The following SMYD3 variants were observed in gnomAD, a reference collection of about 807,000 sequenced individuals.
SMYD3 encodes the protein histone-lysine N-methyltransferase SMYD3.
In SMYD3, 36 loss-of-function variants were observed where a neutral mutation model predicts 57.7. The ratio of observed to expected loss-of-function variants is 0.62; its 90% CI spans 0.48 to 0.82. The LOEUF (loss-of-function observed/expected upper bound fraction) is 0.82, where lower values mean the gene tolerates loss of function less well. Among genes scored for constraint, SMYD3 ranks in the 40% least tolerant of loss-of-function variants. The pLI, the probability that SMYD3 is intolerant of heterozygous loss-of-function variation, is 0.00. For synonymous variants in SMYD3, 211 were observed against 195.0 expected, an observed-to-expected ratio of 1.08 and a Z score of -0.68; for missense variants, 515 against 538.8, an observed-to-expected ratio of 0.96 and a Z score of 0.44.
At chr1:246,219,349 G>C (rs1270497028) in intron 5 of SMYD3, among the ~76,000 whole-genome samples, 1 of 152,072 alleles carries the variant, frequency 6.6e-6, no homozygotes, top group African/African-American at 2.4e-5. Context: ...ACTTCAGAGG[G>C]ACAGCCTGAC....
chr1:246,280,704 T>C (rs2064423841), intron 5 of SMYD3, among the ~76,000 whole-genome samples: 2 of 152,294 alleles, frequency 1.3e-5, no homozygotes, highest in Non-Finnish European at 2.9e-5. Flanking sequence ...CTATTATCAT[T>C]CCACTTTACA....
At chr1:246,178,130 G>C (rs186704421) in intron 5 of SMYD3, among the ~76,000 whole-genome samples, 1 of 152,288 alleles carries the variant, frequency 6.6e-6, no homozygotes, top group African/African-American at 2.4e-5. Context: ...AGTTCCAAAG[G>C]TGAAATGGCA....
chr1:246,505,659 T>G (rs575237661), intron 1 of SMYD3, among the ~76,000 whole-genome samples: 1 of 115,726 alleles, frequency 8.6e-6, no homozygotes, highest in Non-Finnish European at 1.9e-5. Context: ...CCTTTTTTGC[T>G]TAAATCCCCA....
intron 10 of SMYD3, among the ~76,000 whole-genome samples, chr1:245,795,559 G>C (rs1426739899): frequency 7.9e-5 from 12 of 152,126 alleles, no homozygotes; most frequent in Non-Finnish European, 2.9e-5. Flanking sequence ...TTTGAGCCTA[G>C]CTATATCTTT....
At chr1:245,904,050 G>A (rs1028895786) in intron 8 of SMYD3, among the ~76,000 whole-genome samples, 7 of 152,104 alleles carry the variant, frequency 4.6e-5, no homozygotes, top group East Asian at 1.9e-4. Context: ...CTACCACATC[G>A]TCAGGCTGCA....
At chr1:246,174,920 T>C (rs2062408387) in intron 5 of SMYD3, among the ~76,000 whole-genome samples, 1 of 152,230 alleles carries the variant, frequency 6.6e-6, no homozygotes, top group South Asian at 2.1e-4. Flanking sequence ...CTTTTAGAAA[T>C]ATCTAAAATA....
chr1:246,356,877 G>A (rs539686200), intron 1 of SMYD3, among the ~76,000 whole-genome samples: 96 of 152,294 alleles, frequency 6.3e-4, no homozygotes, highest in Admixed American at 1.5e-3. Context: ...TTATTTGAGG[G>A]AATAATCAAG....
chr1:246,448,667 T>C (rs1464293867), intron 1 of SMYD3, among the ~76,000 whole-genome samples: 2 of 128,236 alleles, frequency 1.6e-5, no homozygotes, highest in Non-Finnish European at 3.1e-5. Flanking sequence ...TCTGTGATCA[T>C]GCCTGGGGAA....
At chr1:246,040,434 C>CCAA (rs2059848839) in intron 5 of SMYD3, among the ~76,000 whole-genome samples, 2 of 152,176 alleles carry the variant, frequency 1.3e-5, no homozygotes, top group Admixed American at 6.5e-5. Context: ...TGGTGCTGAC[C>CCAA]CAACGTCTCA....
At chr1:246,430,227 T>C (rs1362989665) in intron 1 of SMYD3, among the ~76,000 whole-genome samples, 1 of 152,218 alleles carries the variant, frequency 6.6e-6, no homozygotes. Flanking sequence ...TGCTGTTAAA[T>C]GGATATCAAT....
rs924718003 is a variant in SMYD3 at position 246,155,837 on chromosome 1, A to T, written c.531+171364T>A. 2.0e-3 allele frequency among the ~76,000 whole-genome samples: 299 copies of T among 152,230 alleles called. 2 individuals carry two copies. The highest frequency in any genetic ancestry group is 4.4e-4 in the Non-Finnish European group (30 of 68,016). On this transcript the variant is annotated intron_variant, in intron 5 of 11. Coordinates refer to ENST00000490107, the MANE Select transcript of SMYD3 (RefSeq NM_001167740.2). ...TCTACTAAAAATAAAAAATAAAAAAAAATAGCCTAGTGTGGTGGCACGCAC... is the reference window on the plus strand; with the variant it reads ...TCTACTAAAAATAAAAAATAAAAAATAATAGCCTAGTGTGGTGGCACGCAC...
intron 10 of SMYD3, among the ~76,000 whole-genome samples, chr1:245,826,992 T>TA (rs1269949179): frequency 3.9e-5 from 6 of 152,114 alleles, no homozygotes; most frequent in African/African-American, 1.4e-4. Flanking sequence ...ACACAAAACC[T>TA]AACCATATCA....
chr1:246,236,679 T>G (rs12047146), intron 5 of SMYD3, among the ~76,000 whole-genome samples: 12,879 of 151,852 alleles, frequency 0.085, 727 homozygotes, highest in East Asian at 0.21. Context: ...CTCCCAAAGT[T>G]TTTTTATTTT....
At chr1:245,877,067 G>A (rs758104278) in intron 8 of SMYD3, among the ~76,000 whole-genome samples, 69 of 152,214 alleles carry the variant, frequency 4.5e-4, no homozygotes, top group Admixed American at 2.0e-3. Flanking sequence ...GCCAGTAGCA[G>A]AGAAGAGAAA....
intron 5 of SMYD3, among the ~76,000 whole-genome samples, chr1:246,164,773 A>AT (rs1282453695): frequency 6.6e-6 from 1 of 152,212 alleles, no homozygotes; most frequent in Non-Finnish European, 1.5e-5. Context: ...GACAAATGGT[A>AT]ATAATGAAAG....
chr1:246,076,026 A>G (rs573745638), intron 5 of SMYD3, among the ~76,000 whole-genome samples: 2 of 152,124 alleles, frequency 1.3e-5, no homozygotes, highest in African/African-American at 4.8e-5. Context: ...TTCATGGAAA[A>G]TAGTTTTGGA....
At chr1:246,088,262 T>C (rs1430677839) in intron 5 of SMYD3, among the ~76,000 whole-genome samples, 2 of 152,022 alleles carry the variant, frequency 1.3e-5, no homozygotes, top group African/African-American at 2.4e-5. Context: ...TCTCCCTCTC[T>C]CCTTCTTTCT....
At chr1:245,795,684 A>G (rs369349448) in intron 10 of SMYD3, among the ~76,000 whole-genome samples, 1 of 152,068 alleles carries the variant, frequency 6.6e-6, no homozygotes, top group Non-Finnish European at 1.5e-5. Flanking sequence ...CCACGGGCCC[A>G]TGCGCTCCAG....
chr1:246,424,365 A>AGACAGAAAAG (rs2067187461), intron 1 of SMYD3, among the ~76,000 whole-genome samples: 2 of 152,182 alleles, frequency 1.3e-5, no homozygotes, highest in Admixed American at 6.5e-5. Context: ...ATGGAATATT[A>AGACAGAAAAG]ATAAATACTC....
Sources: allele counts gnomAD v4.1 joint callset (sites outside exome capture counted in the v4.1 genomes callset), GRCh38; gene constraint gnomAD v4.1.1; transcripts MANE v1.5; gene names NCBI Gene and HGNC (gene_info 2026-07-23, HGNC 2026-07-21).